UNC79: variants seen among roughly 807,000 people sequenced by gnomAD.
UNC79 encodes the protein unc-79 subunit of NALCN channel complex.
In UNC79, 37 loss-of-function variants were observed where a neutral mutation model predicts 283.1. The ratio of observed to expected loss-of-function variants is 0.13; its 90% CI spans 0.10 to 0.17. The LOEUF (loss-of-function observed/expected upper bound fraction) is 0.17. Ranked by LOEUF, UNC79 falls within the 10% of genes least tolerant of loss-of-function variation. UNC79 has a pLI of 1.00. For missense variants in UNC79, 2,272 were observed against 3,211.1 expected (o/e 0.71, Z 7.07); for synonymous variants, 1,107 against 1,200.2 (o/e 0.92, Z 1.61).
intron 7 of UNC79, 129 bp downstream of exon 7, chr14:93,497,415 C>A: frequency 1.6e-6 from 2 of 1,256,294 alleles, no homozygotes; most frequent in Non-Finnish European, 2.1e-6. Context: ...GGTCATAAAT[C>A]CTTTCTGAAA....
intron 14 of UNC79, among the ~76,000 whole-genome samples, chr14:93,544,193 A>G (rs760291792): frequency 4.6e-5 from 7 of 152,234 alleles, no homozygotes; most frequent in Non-Finnish European, 7.3e-5. Flanking sequence ...AAATTAACTG[A>G]TAACAGTTTA....
At chr14:93,500,598 G>A (rs1183064790) in intron 7 of UNC79, among the ~76,000 whole-genome samples, 1 of 152,136 alleles carries the variant, frequency 6.6e-6, no homozygotes, top group African/African-American at 2.4e-5. Context: ...TATGGACCAG[G>A]CACCATATTA....
intron 10 of UNC79, among the ~76,000 whole-genome samples, chr14:93,530,395 ACT>A (rs1236202554): frequency 6.6e-5 from 10 of 151,678 alleles, no homozygotes; most frequent in Non-Finnish European, 1.2e-4. Flanking sequence ...ACGTGGTGAA[ACT>A]CTGTCTCTAC....
chr14:93,692,008 A>C, intron 46 of UNC79, 62 bp downstream of exon 49: 1 of 1,552,820 alleles, frequency 6.4e-7, no homozygotes, highest in Non-Finnish European at 8.9e-7. Context: ...ACCACTCCTA[A>C]TCCTCACACT....
upstream of UNC79, among the ~76,000 whole-genome samples, chr14:93,427,157 T>A (rs2055750064): frequency 6.6e-6 from 1 of 152,134 alleles, no homozygotes; most frequent in Non-Finnish European, 1.5e-5. Context: ...TGGGCAGAGG[T>A]AAATAGGTGA....
chr14:93,653,766 G>A (rs758432992), exon 36 of UNC79: 9 of 1,612,122 alleles, frequency 5.6e-6, no homozygotes, highest in Admixed American at 3.3e-5. Context: ...GCAATGCGGC[G>A]GGGGTGGCCA....
chr14:93,690,888 C>T lies in UNC79; in HGVS notation c.7272+585C>T, dbSNP rs901375418. On this transcript the variant is annotated intron_variant, in intron 45 of 48. Transcript: ENST00000555664. This position sits in a 1 kb window ranked among gnomAD's most constrained non-coding sequence, Gnocchi z 4.3. ...TGAGCCTGTGCAGGCAAACCGGACA[C>T]ATTGGTACTAATCAGCTCCGAGGAG... The T allele has an allele frequency of 1.9e-5, 3 of 154,610 alleles. No homozygotes were observed. The highest frequency in any genetic ancestry group is 7.2e-5 in the African/African-American group (3 of 41,466). 9.6% of individuals were successfully genotyped at this position (154,610 alleles called of 1,614,324 possible). A position where few individuals can be genotyped will look rare whatever the true frequency, so the allele number is the denominator to read the frequency against.
chr14:93,622,651 T>C, exon 30 of UNC79: 1 of 1,614,150 alleles, frequency 6.2e-7, no homozygotes, highest in Non-Finnish European at 8.5e-7. Flanking sequence ...CTGATACCAG[T>C]GCAGAATCTG....
intron 5 of UNC79, among the ~76,000 whole-genome samples, chr14:93,488,272 G>A (rs1274423569): frequency 6.6e-6 from 1 of 152,164 alleles, no homozygotes; most frequent in Admixed American, 6.5e-5. Flanking sequence ...TATAAAATTT[G>A]TGTAGAGTTA....
intron 35 of UNC79, among the ~76,000 whole-genome samples, chr14:93,651,277 C>T: frequency 6.6e-6 from 1 of 152,154 alleles, no homozygotes. Context: ...ACATTCTTTA[C>T]ATTTTCATAT....
chr14:93,585,928 C>A (rs1397897572), intron 20 of UNC79, among the ~76,000 whole-genome samples: 1 of 148,086 alleles, frequency 6.8e-6, no homozygotes, highest in Non-Finnish European at 1.5e-5. Flanking sequence ...ATTGCCCAGG[C>A]TGGAGTACAG....
At chr14:93,490,404 G>C (rs1176289395) in intron 5 of UNC79, among the ~76,000 whole-genome samples, 2 of 152,024 alleles carry the variant, frequency 1.3e-5, no homozygotes, top group Non-Finnish European at 2.9e-5. Flanking sequence ...TCTGTCTTTG[G>C]ATCATTCTCT....
rs949502262 is a variant in UNC79, at chr14:93,386,803, C to T, written c.-351+53280C>T. 3.3e-5 allele frequency among the ~76,000 whole-genome samples: 5 copies of T among 150,510 alleles called. No homozygotes were observed. The South Asian group carries it at 1.0e-3, about 31-fold the overall frequency. The stretch of plus-strand genomic sequence containing the variant: ...CATCTCCAATTTTATTTATTTGGGT[C>T]TTCTCTCTTTTTTTCTTAGTGTGGC... On this transcript the variant is annotated intron_variant, in intron 1 of 49. Transcript: ENST00000256339.
At chr14:93,593,987 C>A in intron 23 of UNC79, 150 bp downstream of exon 23, 1 of 910,628 alleles carries the variant, frequency 1.1e-6, no homozygotes, top group Non-Finnish European at 1.6e-6. Flanking sequence ...CTGCTTTGAG[C>A]TTCCTCTCTA....
chr14:93,613,187 C>T, intron 27 of UNC79, 104 bp downstream of exon 28: 1 of 1,463,272 alleles, frequency 6.8e-7, no homozygotes, highest in Non-Finnish European at 9.3e-7. Flanking sequence ...AAGGTTTGTA[C>T]AAATTGCTTG....
chr14:93,479,229 T>TTCC (rs1426810341), intron 4 of UNC79, among the ~76,000 whole-genome samples: 57 of 111,438 alleles, frequency 5.1e-4, no homozygotes, highest in African/African-American at 2.0e-3. Flanking sequence ...CCTTCCTTCC[T>TTCC]TTCCTTCCTT....
At chr14:93,691,580 A>G in intron 45 of UNC79, 169 bp from the exon 49 acceptor site, 1 of 685,246 alleles carries the variant, frequency 1.5e-6, no homozygotes, top group African/African-American at 1.8e-5. Flanking sequence ...AAGAGAGCAC[A>G]GCAGATAGTT....
rs113280250 is a variant in UNC79, at chr14:93,588,964, C to A, written c.3032+2056C>A. 9.3e-3 allele frequency among the ~76,000 whole-genome samples: 1,414 copies of A among 152,116 alleles called. 24 individuals carry two copies. The highest frequency in any genetic ancestry group is 0.032 in the African/African-American group (1,344 of 41,492). The stretch of plus-strand genomic sequence containing the variant: ...AGAAAGTGTTAAGGGGAGTTTATAA[C>A]GGCTGACTTAAGCCTTAAGAATATT... On this transcript the variant is annotated intron_variant, in intron 22 of 48. Transcript: ENST00000555664.
chr14:93,545,889 C>A (rs2061576463), intron 14 of UNC79, among the ~76,000 whole-genome samples: 1 of 152,050 alleles, frequency 6.6e-6, no homozygotes, highest in African/African-American at 2.4e-5. Context: ...TTCTCAAAGT[C>A]AATTTGGAGG....
Sources: gnomAD v4.1 joint callset for allele counts (sites outside exome capture counted in the v4.1 genomes callset) on GRCh38, gnomAD v4.1.1 for gene constraint, Gnocchi (gnomAD v3.1) non-coding constraint, MANE v1.5 for transcripts, NCBI Gene and HGNC (gene_info 2026-07-23, HGNC 2026-07-21) for gene names.